Variants in REV1 observed in about 807,000 individuals in gnomAD.
REV1 encodes REV1 DNA directed polymerase.
In REV1, 42 loss-of-function variants were observed where a neutral mutation model predicts 137.4. That is an observed-to-expected ratio of 0.31 (90% confidence interval 0.24 to 0.40). REV1 has a LOEUF of 0.40. REV1 is among the 10% of genes least tolerant of loss of function. The pLI is 1.00. For synonymous variants in REV1, 524 were observed against 519.2 expected (o/e 1.01, Z -0.12); for missense variants, 1,282 against 1,490.1 (o/e 0.86, Z 2.30).
intron 1 of REV1, among the ~76,000 whole-genome samples, chr2:99,469,505 C>T (rs1295328855): frequency 6.6e-6 from 1 of 152,162 alleles, no homozygotes; most frequent in Admixed American, 6.5e-5. Context: ...GTCCCCAGTG[C>T]TAACATGCAG....
At chr2:99,403,248 G>A (rs1675755848) in intron 19 of REV1, 142 bp from the exon 20 acceptor site, 1 of 671,968 alleles carries the variant, frequency 1.5e-6, no homozygotes, top group East Asian at 2.7e-5. Flanking sequence ...GAGAGGCAGT[G>A]AATGGCAATG....
intron 1 of REV1, among the ~76,000 whole-genome samples, chr2:99,477,103 A>C (rs1686063250): frequency 6.6e-6 from 1 of 152,100 alleles, no homozygotes; most frequent in African/African-American, 2.4e-5. Context: ...CGATGGCAAA[A>C]CGGCACTGTC....
intron 1 of REV1, among the ~76,000 whole-genome samples, chr2:99,483,512 G>A (rs1157424405): frequency 6.6e-6 from 1 of 152,098 alleles, no homozygotes; most frequent in East Asian, 1.9e-4. Flanking sequence ...TTTAATTCAA[G>A]CACAAAGCCA....
At chr2:99,486,272 GTAATCCCAGCACT>G (rs1393065396) in intron 1 of REV1, among the ~76,000 whole-genome samples, 2 of 152,240 alleles carry the variant, frequency 1.3e-5, no homozygotes, top group Admixed American at 1.3e-4. Flanking sequence ...GCTCACGCCT[GTAATCCCAGCACT>G]TTGGGAGGCT....
At chr2:99,467,728 T>C (rs1181829942) in intron 1 of REV1, among the ~76,000 whole-genome samples, 3 of 152,236 alleles carry the variant, frequency 2.0e-5, no homozygotes, top group Non-Finnish European at 4.4e-5. Flanking sequence ...CTGTATTCAT[T>C]ATTTCAATCT....
chr2:99,442,006 C>T (rs1325323733), intron 5 of REV1, among the ~76,000 whole-genome samples: 1 of 152,068 alleles, frequency 6.6e-6, no homozygotes, highest in Non-Finnish European at 1.5e-5. Context: ...GTAACCCCAG[C>T]ACTTTGGGAG....
intron 1 of REV1, among the ~76,000 whole-genome samples, chr2:99,478,609 G>T (rs994189189): frequency 1.3e-5 from 2 of 152,172 alleles, no homozygotes; most frequent in Non-Finnish European, 2.9e-5. Context: ...GATTCCAAAG[G>T]CCACAGCAGA....
chr2:99,439,269 T>G lies in REV1; in HGVS notation c.545A>C (p.Lys182Thr). The change falls in exon 6 of 23, where the codon AAA becomes ACA. Residue 182 changes from lysine (K) to threonine (T), a missense_variant. Physicochemically the swap from Lys to Thr is moderately conservative, Grantham distance 78 (BLOSUM62 -1). Coordinates refer to ENST00000258428, the MANE Select transcript of REV1 (RefSeq NM_016316.4). ...VKKIETENEV[K>T]VNGMNSWNEE... ...ATTCCAACTGTTCATGCCATTGACT[T>G]TGACTTCATTTTCCGTTTCAATCTT... 1.2e-6 allele frequency: 2 copies of G among 1,613,784 alleles called. No individual in the cohort carries two copies. Among genetic ancestry groups the G allele is most frequent in the Non-Finnish European group, 8.5e-7 (1 of 1,179,726 alleles).
rs717454 is a variant in REV1 at position 99,406,310 on chromosome 2, T to G, written c.2614+15A>C. On this transcript the variant is annotated intron_variant, in intron 16 of 22. Transcript: ENST00000258428. ...AAGCAGCACCTAAAAAAGAACCACA[T>G]TGATGACCACCAACCTTCTTTGTGC... 3 of 1,597,954 alleles carry G rather than the reference T, an allele frequency of 1.9e-6. No individual in the cohort carries two copies. Among genetic ancestry groups the G allele is most frequent in the South Asian group, 1.1e-5 (1 of 88,670 alleles).
chr2:99,488,422 C>A, intron 1 of REV1, among the ~76,000 whole-genome samples: 1 of 119,076 alleles, frequency 8.4e-6, no homozygotes, highest in Non-Finnish European at 1.8e-5. Context: ...GGTTAAGGTT[C>A]TACAACAAAA....
At chr2:99,447,383 G>A (rs1369812352) in intron 4 of REV1, among the ~76,000 whole-genome samples, 1 of 152,044 alleles carries the variant, frequency 6.6e-6, no homozygotes, top group Admixed American at 6.6e-5. Context: ...AGTTGGCCAG[G>A]ATGTTCTCGA....
intron 14 of REV1, among the ~76,000 whole-genome samples, chr2:99,409,864 C>A (rs1023924734): frequency 2.2e-5 from 3 of 135,156 alleles, no homozygotes; most frequent in African/African-American, 8.1e-5. Flanking sequence ...CCCCCCCCCC[C>A]CCCAAAAAAA....
intron 4 of REV1, among the ~76,000 whole-genome samples, chr2:99,449,050 G>C (rs1250669018): frequency 6.6e-6 from 1 of 152,188 alleles, no homozygotes; most frequent in Non-Finnish European, 1.5e-5. Flanking sequence ...GGGAGGCCAA[G>C]GCTGGAGGAC....
At chr2:99,466,838 T>G (rs1477244069) in intron 1 of REV1, among the ~76,000 whole-genome samples, 1 of 152,204 alleles carries the variant, frequency 6.6e-6, no homozygotes, top group East Asian at 1.9e-4. Context: ...GTGCTCATTA[T>G]CAAGTCCCAG....
chr2:99,424,807 G>C, intron 9 of REV1: 4 of 1,304,188 alleles, frequency 3.1e-6, no homozygotes, highest in Non-Finnish European at 4.0e-6. Context: ...CCATGCTCCT[G>C]AAGTGGCTCC....
intron 4 of REV1, among the ~76,000 whole-genome samples, chr2:99,444,447 A>C (rs567635612): frequency 7.4e-4 from 113 of 152,302 alleles, no homozygotes; most frequent in Middle Eastern, 3.4e-3. Flanking sequence ...GGTACTCTCT[A>C]TGGTCAGCAC....
chr2:99,410,919 A>G, intron 13 of REV1, 52 bp from the exon 14 acceptor site: 1 of 1,428,744 alleles, frequency 7.0e-7, no homozygotes, highest in African/African-American at 1.4e-5. Flanking sequence ...CTATATACCT[A>G]ATAATTGTTC....
intron 9 of REV1, among the ~76,000 whole-genome samples, chr2:99,427,028 C>T (rs928778138): frequency 2.6e-5 from 4 of 152,010 alleles, no homozygotes; most frequent in Non-Finnish European, 5.9e-5. Context: ...ACTAAAAATA[C>T]AAAAATTAGC....
At chr2:99,427,644 A>T (rs1289904120) in intron 9 of REV1, among the ~76,000 whole-genome samples, 2 of 152,234 alleles carry the variant, frequency 1.3e-5, no homozygotes, top group Non-Finnish European at 2.9e-5. Context: ...TCCTCAGATA[A>T]GGAAAATATA....
Sources: allele counts gnomAD v4.1 joint callset (sites outside exome capture counted in the v4.1 genomes callset), GRCh38; gene constraint gnomAD v4.1.1; transcripts MANE v1.5; gene names NCBI Gene and HGNC (gene_info 2026-07-23, HGNC 2026-07-21).